The following SLC4A5 variants were observed in gnomAD, a reference collection of about 807,000 sequenced individuals.
SLC4A5 encodes solute carrier family 4 member 5.
Under a neutral mutation model 120.4 loss-of-function variants are expected in SLC4A5, and 96 were observed. That is an observed-to-expected ratio of 0.80 (90% CI 0.68 to 0.94). The LOEUF (loss-of-function observed/expected upper bound fraction) is 0.94. Ranked by LOEUF, SLC4A5 falls within the 40% of genes least tolerant of loss-of-function variation. The pLI, the probability that SLC4A5 is intolerant of heterozygous loss-of-function variation, is 0.00. For missense variants in SLC4A5, 1,259 were observed against 1,459.5 expected, an observed-to-expected ratio of 0.86 and a Z score of 2.24; for synonymous variants, 550 against 571.1, an observed-to-expected ratio of 0.96 and a Z score of 0.53.
At chr2:74,291,690 G>A (rs1290049097) in intron 7 of SLC4A5, among the ~76,000 whole-genome samples, 2 of 152,164 alleles carry the variant, frequency 1.3e-5, no homozygotes, top group East Asian at 3.9e-4. Context: ...GGCTGGTTTT[G>A]AACTCCTGTG....
chr2:74,299,287 G>C (rs1672411608), intron 7 of SLC4A5, among the ~76,000 whole-genome samples: 1 of 152,198 alleles, frequency 6.6e-6, no homozygotes. Context: ...GGAGGCAGAG[G>C]TTGCGGTGAG....
intron 21 of SLC4A5, 70 bp from the exon 22 acceptor site, chr2:74,235,284 C>A: frequency 2.6e-6 from 3 of 1,173,772 alleles, no homozygotes; most frequent in East Asian, 2.5e-5. Flanking sequence ...AGCCCCAGTC[C>A]TCCGGCAGCA....
At chr2:74,336,537 AC>A (rs1340635558) in intron 3 of SLC4A5, among the ~76,000 whole-genome samples, 2 of 152,218 alleles carry the variant, frequency 1.3e-5, no homozygotes, top group Non-Finnish European at 2.9e-5. Flanking sequence ...GAGGTAACAT[AC>A]ATGAAACATT....
intron 8 of SLC4A5, among the ~76,000 whole-genome samples, chr2:74,275,118 C>T (rs774349458): frequency 6.6e-6 from 1 of 152,176 alleles, no homozygotes; most frequent in Non-Finnish European, 1.5e-5. Context: ...ACAGTTTGGG[C>T]ATTACAGGAG....
rs1325935066 is a variant in SLC4A5 at position 74,255,760 on chromosome 2, T to C, written c.1025+15A>G. 1 of 1,613,842 alleles carries C rather than the reference T, an allele frequency of 6.2e-7. No individual in the cohort carries two copies. Among genetic ancestry groups the C allele is most frequent in the Admixed American group, 1.7e-5 (1 of 60,000 alleles). The stretch of plus-strand genomic sequence containing the variant: ...ACCTGAGAGTGGCGTGGGGACAGGT[T>C]TCAATGGCTCTCACCTGGTGGGGAC... On this transcript the variant is annotated intron_variant, in intron 13 of 30. Transcript: ENST00000394019. The surrounding 1 kb of genome is among the most constrained non-coding windows in gnomAD (Gnocchi z 4.0).
exon 17 of SLC4A5, chr2:74,250,508 A>C: frequency 1.2e-6 from 2 of 1,614,206 alleles, no homozygotes; most frequent in Non-Finnish European, 1.7e-6. Context: ...GACACAGGCC[A>C]CCGAAGAACC....
At chr2:74,241,907 A>G (rs918977326) in intron 20 of SLC4A5, 87 bp downstream of exon 20, 18 of 1,274,994 alleles carry the variant, frequency 1.4e-5, no homozygotes, top group Non-Finnish European at 1.8e-5. Flanking sequence ...CTGGGAGGCC[A>G]TAAGTTGGTC....
intron 5 of SLC4A5, among the ~76,000 whole-genome samples, chr2:74,316,572 G>A (rs944664580): frequency 6.6e-6 from 1 of 152,068 alleles, no homozygotes; most frequent in Non-Finnish European, 1.5e-5. Flanking sequence ...ACCCTTTATG[G>A]CAATAAGGTA....
At chr2:74,307,609 C>T (rs778448092) in intron 6 of SLC4A5, 2 of 800,788 alleles carry the variant, frequency 2.5e-6, no homozygotes, top group Non-Finnish European at 4.3e-6. Flanking sequence ...GCGCTCATGT[C>T]CTCAATGGTC....
exon 18 of SLC4A5, chr2:74,248,379 A>G (rs1670684854): frequency 6.2e-7 from 1 of 1,614,154 alleles, no homozygotes; most frequent in African/African-American, 1.3e-5. Flanking sequence ...GGAGCTTCTC[A>G]AAGATGAGGA....
chr2:74,222,795 A>G (rs1694697962), intron 29 of SLC4A5, 73 bp downstream of exon 29: 1 of 1,317,602 alleles, frequency 7.6e-7, no homozygotes, highest in South Asian at 1.2e-5. Flanking sequence ...CCTGAGTTAC[A>G]GATGAAAGTT....
intron 6 of SLC4A5, among the ~76,000 whole-genome samples, chr2:74,311,836 TC>T (rs1672813450): frequency 6.6e-6 from 1 of 152,146 alleles, no homozygotes; most frequent in South Asian, 2.1e-4. Flanking sequence ...TATATGCTGT[TC>T]CTTTCAACTA....
At chr2:74,328,541 T>C (rs1233873904) in intron 4 of SLC4A5, among the ~76,000 whole-genome samples, 3 of 152,194 alleles carry the variant, frequency 2.0e-5, no homozygotes, top group Non-Finnish European at 4.4e-5. Context: ...CTTGGAGGGA[T>C]GTTAGAGCTG....
intron 6 of SLC4A5, chr2:74,307,367 G>C (rs116480916): frequency 1.6e-6 from 1 of 615,096 alleles, no homozygotes. Context: ...CTTCCTCTTC[G>C]TGGTTCTTCT....
chr2:74,340,074 T>G (rs1488289844), intron 2 of SLC4A5, among the ~76,000 whole-genome samples: 1 of 152,152 alleles, frequency 6.6e-6, no homozygotes, highest in African/African-American at 2.4e-5. Flanking sequence ...GGGTATAAAG[T>G]TTCAGTTGGG....
chr2:74,252,236 T>C (rs770396846), exon 16 of SLC4A5: 22 of 1,608,572 alleles, frequency 1.4e-5, no homozygotes, highest in Non-Finnish European at 1.7e-5. Flanking sequence ...CTCTCCATCA[T>C]CCCCGCTGCT....
chr2:74,283,255 G>C (rs1185602136), intron 8 of SLC4A5, among the ~76,000 whole-genome samples: 1 of 152,168 alleles, frequency 6.6e-6, no homozygotes, highest in African/African-American at 2.4e-5. Context: ...GACCCCTGGT[G>C]AGCTACTTGC....
At chr2:74,331,013 T>C (rs1573111997) in intron 4 of SLC4A5, among the ~76,000 whole-genome samples, 1 of 134,772 alleles carries the variant, frequency 7.4e-6, no homozygotes, top group Admixed American at 7.4e-5. Context: ...TAGAAGGAGG[T>C]GGTGAGGTCT....
At chr2:74,281,762 G>T (rs981142099) in intron 8 of SLC4A5, among the ~76,000 whole-genome samples, 2 of 152,154 alleles carry the variant, frequency 1.3e-5, no homozygotes, top group African/African-American at 4.8e-5. Context: ...AAAATTCCTT[G>T]CGGATTTGAG....
Sources: gnomAD v4.1 joint callset for allele counts (sites outside exome capture counted in the v4.1 genomes callset) on GRCh38, gnomAD v4.1.1 for gene constraint, Gnocchi (gnomAD v3.1) non-coding constraint, MANE v1.5 for transcripts, NCBI Gene and HGNC (gene_info 2026-07-23, HGNC 2026-07-21) for gene names.